The following NUB1 variants were observed in gnomAD, a reference collection of about 807,000 sequenced individuals.
NUB1 encodes NEDD8 ultimate buster 1.
Under a neutral mutation model 77.1 loss-of-function variants are expected in NUB1, and 41 were observed. The ratio of observed to expected loss-of-function variants is 0.53; its 90% confidence interval spans 0.41 to 0.69. NUB1 has a LOEUF of 0.69. Among genes scored for constraint, NUB1 ranks in the 30% least tolerant of loss-of-function variants. The pLI, the probability that NUB1 is intolerant of heterozygous loss-of-function variation, is 0.00. For missense variants in NUB1, 643 were observed against 743.8 expected (o/e 0.86, Z 1.58); for synonymous variants, 257 against 281.0 (o/e 0.91, Z 0.85).
chr7:151,367,264 A>T (rs1431192153), intron 9 of NUB1, 139 bp downstream of exon 9: 2 of 668,706 alleles, frequency 3.0e-6, no homozygotes, highest in South Asian at 2.1e-5. Context: ...TTTAAACTAT[A>T]TATTTATAAA....
rs886760755 is a variant in NUB1, at chr7:151,357,695, C to T, written c.693+1473C>T. Among the ~76,000 whole-genome samples, 6 of 150,932 alleles carry T rather than the reference C, an allele frequency of 4.0e-5. No homozygotes were observed. In the East Asian group the frequency reaches 7.9e-4, roughly 20 times the overall value. ...TGCGATCTCAGCTCACTGCAGCCTTCGCCTCCCTGGTTCAAGCAATTCTCC... is the reference window on the plus strand; with the variant it reads ...TGCGATCTCAGCTCACTGCAGCCTTTGCCTCCCTGGTTCAAGCAATTCTCC... On this transcript the variant is annotated intron_variant, in intron 7 of 14. Coordinates refer to ENST00000568733, the MANE Select transcript of NUB1 (RefSeq NM_001243351.2).
At chr7:151,341,935 T>C (rs10085614) in intron 1 of NUB1, 89 bp downstream of exon 1, 112,506 of 1,368,446 alleles carry the variant, frequency 0.082, 10,321 homozygotes, top group East Asian at 0.54. Flanking sequence ...GCACCTCTCC[T>C]GGCCAGGGGT....
In NUB1 at chr7:151,368,084, G is replaced by A. The variant is rs1563026214; in HGVS notation, c.1095+116G>A. On this transcript the variant is annotated intron_variant, in intron 10 of 14. Transcript: ENST00000568733. ...TGAGAAACATGCCTGTGCTTTCTCC[G>A]TGCACAGGAGATGTTGAACCAGAAA... 4 of 626,822 alleles carry A rather than the reference G, an allele frequency of 6.4e-6. No individual in the cohort carries two copies. The Admixed American group carries it at 8.7e-5, about 14-fold the overall frequency. The allele number at this position is 626,822 out of a possible 1,614,324, so 38.8% of individuals were successfully genotyped here. A position where few individuals can be genotyped will look rare whatever the true frequency, so the allele number is the denominator to read the frequency against.
Position 151,375,907 on chromosome 7 carries a change from C to T in NUB1, c.1455C>T (p.Asn485=). Residue 485 remains asparagine, a synonymous_variant, in exon 13 of 15, where the codon AAC becomes AAT. Coordinates refer to ENST00000568733, the MANE Select transcript of NUB1 (RefSeq NM_001243351.2). The stretch of plus-strand genomic sequence containing the variant: ...ATGATTCCAATCCTGAAACCGACAA[C>T]CGTCAAGAAAGTCCTTCCCAGGAAA... The part of the protein sequence containing the change: ...WLNDSNPETD[N]RQESPSQENI... The T allele has an allele frequency of 6.2e-7, 1 of 1,613,256 alleles. No homozygotes were observed. Among genetic ancestry groups the T allele is most frequent in the East Asian group, 2.2e-5 (1 of 44,882 alleles).
intron 12 of NUB1, among the ~76,000 whole-genome samples, chr7:151,375,454 C>T (rs1798172278): frequency 6.6e-6 from 1 of 152,162 alleles, no homozygotes; most frequent in Non-Finnish European, 1.5e-5. Context: ...AATCAAGGGT[C>T]AAAATAACCC....
intron 7 of NUB1, among the ~76,000 whole-genome samples, chr7:151,359,020 G>A (rs1187434520): frequency 4.0e-5 from 6 of 151,686 alleles, no homozygotes; most frequent in South Asian, 2.1e-4. Flanking sequence ...AGCCGAGATC[G>A]CGCCACTGCA....
intron 7 of NUB1, among the ~76,000 whole-genome samples, chr7:151,357,217 G>A (rs892015847): frequency 1.6e-4 from 23 of 143,598 alleles, no homozygotes; most frequent in Non-Finnish European, 2.1e-4. Context: ...ATGGAGTCTC[G>A]CTCTGTTGCC....
intron 8 of NUB1, among the ~76,000 whole-genome samples, chr7:151,362,278 T>C (rs1310530317): frequency 6.6e-6 from 1 of 152,212 alleles, no homozygotes; most frequent in Non-Finnish European, 1.5e-5. Flanking sequence ...CCTGGGCATC[T>C]ATTTATCCTG....
rs149445928 is a variant in NUB1 at position 151,372,170 on chromosome 7, A to G, written c.1249-1927A>G. Among the ~76,000 whole-genome samples, 611 of 152,352 alleles carry G rather than the reference A, an allele frequency of 4.0e-3. 3 individuals are homozygous for G. Among genetic ancestry groups the G allele is most frequent in the African/African-American group, 0.014 (571 of 41,574 alleles). Reference sequence around the variant, plus strand: ...CGTAGCCTTCCTAAGAGGCCATCCCAGCTTGTTGTGACCATACAGTGCCTC... The same window carrying G: ...CGTAGCCTTCCTAAGAGGCCATCCCGGCTTGTTGTGACCATACAGTGCCTC... On this transcript the variant is annotated intron_variant, in intron 11 of 14. Transcript: ENST00000568733.
At chr7:151,366,851 G>A in intron 8 of NUB1, 88 bp from the exon 9 acceptor site, 1 of 1,043,238 alleles carries the variant, frequency 9.6e-7, no homozygotes, top group Non-Finnish European at 1.4e-6. Flanking sequence ...AACGGGGAAA[G>A]AATTCCAGTC....
chr7:151,348,228 G>A (rs1796597284), intron 2 of NUB1, among the ~76,000 whole-genome samples: 1 of 152,174 alleles, frequency 6.6e-6, no homozygotes, highest in East Asian at 1.9e-4. Context: ...CCTTTCTTGA[G>A]CCCTTTCAAT....
chr7:151,374,878 C>G (rs537999532), intron 12 of NUB1, among the ~76,000 whole-genome samples: 2 of 152,170 alleles, frequency 1.3e-5, no homozygotes, highest in African/African-American at 2.4e-5. Flanking sequence ...TCAGAGCACA[C>G]GTGGTGAGGG....
chr7:151,374,075 G>A, intron 11 of NUB1, 22 bp from the exon 12 acceptor site: 1 of 1,544,986 alleles, frequency 6.5e-7, no homozygotes, highest in Non-Finnish European at 8.7e-7. Flanking sequence ...ACTTGGGATG[G>A]GACTTTGCTG....
At chr7:151,360,583 G>A (rs1013436364) in intron 8 of NUB1, 5 of 204,742 alleles carry the variant, frequency 2.4e-5, no homozygotes, top group Admixed American at 1.1e-4. Flanking sequence ...CCTCAAATCC[G>A]TTGTTTAAGA....
chr7:151,360,788 C>G (rs748464039), intron 8 of NUB1: 1 of 151,688 alleles, frequency 6.6e-6, no homozygotes, highest in Non-Finnish European at 1.5e-5. Context: ...GTGCACATCA[C>G]CATGCCCAGA....
chr7:151,376,783 G>A lies in NUB1; in HGVS notation c.1641G>A (p.Pro547=), dbSNP rs576551925. The change falls in exon 14 of 15, where the codon CCG becomes CCA. Residue 547 remains proline (P), a synonymous_variant. Transcript: ENST00000568733. ...TGTCGCCAGAAGACTCTTTGTCCCC[G>A]CCAGCCACGTCCCCTTCTGACTCCG... is the stretch of plus-strand genomic sequence containing the variant. ...LPLSPEDSLS[P]PATSPSDSAG... 2.1e-5 allele frequency: 33 copies of A among 1,590,408 alleles called. No homozygotes were observed. In the Admixed American group the frequency reaches 3.8e-4, roughly 18 times the overall value.
Position 151,377,833 on chromosome 7 carries a change from T to C in NUB1, c.*608T>C, listed in dbSNP as rs1798372480. 1.3e-5 allele frequency: 2 copies of C among 152,242 alleles called. No homozygotes were observed. Among genetic ancestry groups the C allele is most frequent in the Non-Finnish European group, 2.9e-5 (2 of 68,058 alleles). 9.4% of individuals were successfully genotyped at this position (152,242 alleles called of 1,614,324 possible). ...AGCCTGGGACGCCAGTGTTTTATGC[T>C]CTTAGTTCAGTAAAATACGCCCCCG... On this transcript the variant is annotated 3_prime_UTR_variant, in exon 15 of 15. Coordinates refer to ENST00000568733, the MANE Select transcript of NUB1 (RefSeq NM_001243351.2).
chr7:151,375,843 T>C lies in NUB1; in HGVS notation c.1396-5T>C, dbSNP rs1489854392. 6.3e-7 allele frequency: 1 copy of C among 1,599,008 alleles called. No individual in the cohort carries two copies. Among genetic ancestry groups the C allele is most frequent in the Non-Finnish European group, 8.6e-7 (1 of 1,166,442 alleles). The stretch of plus-strand genomic sequence containing the variant: ...ATGGGTAAAGGGTGTTCCTGTGTGT[T>C]TTAGATTCTGCTCAGCAATCCTCAG... On this transcript the variant is annotated splice_polypyrimidine_tract_variant and splice_region_variant and intron_variant, in intron 12 of 14. Transcript: ENST00000568733.
At chr7:151,352,917 A>T in intron 5 of NUB1, 35 bp downstream of exon 5, 1 of 1,117,392 alleles carries the variant, frequency 8.9e-7, no homozygotes, top group South Asian at 1.5e-5. Flanking sequence ...TTTTTTAATG[A>T]ACCAAATATA....
Sources: gnomAD v4.1 joint callset for allele counts (sites outside exome capture counted in the v4.1 genomes callset) on GRCh38, gnomAD v4.1.1 for gene constraint, MANE v1.5 for transcripts, NCBI Gene and HGNC (gene_info 2026-07-23, HGNC 2026-07-21) for gene names.